Variants in WNK3 observed in about 807,000 individuals in gnomAD.
WNK3 encodes the protein WNK lysine deficient protein kinase 3.
A neutral mutation model predicts 116.7 loss-of-function variants in WNK3; 18 were observed. The observed-to-expected ratio is 0.15, with a 90% CI of 0.11 to 0.23. The LOEUF is 0.23. Ranked by LOEUF, WNK3 falls within the 10% of genes least tolerant of loss-of-function variation. WNK3 has a pLI of 1.00. For missense variants in WNK3, 993 were observed against 1,323.8 expected (o/e 0.75, Z 3.88); for synonymous variants, 404 against 469.4 (o/e 0.86, Z 1.80).
At chrX:54,356,544 AT>A (rs782216410) in intron 1 of WNK3, among the ~76,000 whole-genome samples, 16 of 111,387 alleles carry the variant, frequency 1.4e-4, no homozygotes, top group Non-Finnish European at 2.6e-4. Context: ...AGTTTAAACA[AT>A]TTTTAAACTC....
intron 13 of WNK3, among the ~76,000 whole-genome samples, chrX:54,251,909 T>G (rs1319831636): frequency 1.8e-5 from 2 of 108,117 alleles, no homozygotes; most frequent in Non-Finnish European, 3.8e-5. Context: ...CTACTAAAAA[T>G]ACAAAATTAA....
chrX:54,244,618 A>G (rs1356194760), intron 17 of WNK3, among the ~76,000 whole-genome samples: 1 of 112,473 alleles, frequency 8.9e-6, no homozygotes, highest in Non-Finnish European at 1.9e-5. Context: ...AAGAAACTGC[A>G]TTTCATTTTG....
intron 5 of WNK3, among the ~76,000 whole-genome samples, chrX:54,307,278 T>C (rs1275678354): frequency 9.1e-6 from 1 of 110,413 alleles, no homozygotes; most frequent in African/African-American, 3.3e-5. Flanking sequence ...TACCTACTAA[T>C]GTTAAGCTAC....
intron 2 of WNK3, among the ~76,000 whole-genome samples, chrX:54,328,632 C>A (rs1475487143): frequency 9.0e-6 from 1 of 111,147 alleles, no homozygotes; most frequent in Admixed American, 9.7e-5. Context: ...GAAGACGAAG[C>A]AATATCCAAA....
chrX:54,320,624 A>G (rs1359692835), intron 2 of WNK3, among the ~76,000 whole-genome samples: 1 of 109,581 alleles, frequency 9.1e-6, no homozygotes, highest in Admixed American at 9.8e-5. Context: ...CTGGGCTCAC[A>G]TGATCCTCTT....
chrX:54,260,275 T>A (rs1340926081), intron 10 of WNK3, among the ~76,000 whole-genome samples: 6 of 112,304 alleles, frequency 5.3e-5, no homozygotes, highest in Non-Finnish European at 9.4e-5. Flanking sequence ...GTTAATTAGC[T>A]CTTTAACATA....
chrX:54,199,465 T>G (rs1557141144), intron 23 of WNK3, among the ~76,000 whole-genome samples: 3 of 111,748 alleles, frequency 2.7e-5, no homozygotes, highest in African/African-American at 9.8e-5. Context: ...TTCTCTTGCT[T>G]GAGTCAGAGT....
chrX:54,351,860 C>T (rs2069520620), intron 1 of WNK3, among the ~76,000 whole-genome samples: 1 of 109,887 alleles, frequency 9.1e-6, no homozygotes, highest in Admixed American at 9.8e-5. Context: ...TGCAGTGAGC[C>T]GAGATCTCAC....
chrX:54,349,452 A>T (rs924263318), intron 1 of WNK3, among the ~76,000 whole-genome samples: 6 of 112,226 alleles, frequency 5.3e-5, no homozygotes, highest in Non-Finnish European at 1.1e-4. Flanking sequence ...ACACCTACAT[A>T]AAGAAAACCA....
chrX:54,201,778 T>G (rs2067502982), intron 23 of WNK3, among the ~76,000 whole-genome samples: 1 of 111,797 alleles, frequency 8.9e-6, no homozygotes, highest in Non-Finnish European at 1.9e-5. Context: ...GCCTAAAATA[T>G]TAACTAACTG....
chrX:54,290,784 A>G (rs1288713204), intron 10 of WNK3, among the ~76,000 whole-genome samples: 1 of 111,304 alleles, frequency 9.0e-6, no homozygotes, highest in African/African-American at 3.3e-5. Context: ...AAGAGAGGAG[A>G]GAGTTGGCAG....
At chrX:54,224,270 T>G (rs1185211767) in intron 22 of WNK3, among the ~76,000 whole-genome samples, 1 of 108,300 alleles carries the variant, frequency 9.2e-6, no homozygotes, top group Non-Finnish European at 1.9e-5. Flanking sequence ...GAGAATCGCT[T>G]GAACCTGGGA....
intron 22 of WNK3, among the ~76,000 whole-genome samples, chrX:54,207,355 T>C (rs1038203351): frequency 1.8e-5 from 2 of 111,413 alleles, no homozygotes; most frequent in Non-Finnish European, 3.8e-5. Context: ...GAAAACTTTC[T>C]ACTGTAAATC....
chrX:54,200,064 C>T (rs1312463123), intron 23 of WNK3, among the ~76,000 whole-genome samples: 3 of 112,204 alleles, frequency 2.7e-5, no homozygotes, highest in Non-Finnish European at 5.6e-5. Context: ...ACCTAGTTAA[C>T]ACCTACTCAT....
At chrX:54,243,420 CAAAAAAAAAAAAA>C (rs782696727) in intron 17 of WNK3, among the ~76,000 whole-genome samples, 1 of 16,840 alleles carries the variant, frequency 5.9e-5, no homozygotes, top group African/African-American at 1.8e-4. Flanking sequence ...GACTCCGTCT[CAAAAAAAAAAAAA>C]AAAAAAAAAA....
At chrX:54,198,165 G>C (rs2067463611) in exon 24 of WNK3, 2 of 416,238 alleles carry the variant, frequency 4.8e-6, no homozygotes, top group East Asian at 4.0e-5. Context: ...AGAATGATGA[G>C]CTGTATCAAA....
At chrX:54,342,016 C>T (rs1489332782) in intron 1 of WNK3, among the ~76,000 whole-genome samples, 2 of 111,765 alleles carry the variant, frequency 1.8e-5, no homozygotes, top group African/African-American at 6.5e-5. Flanking sequence ...GTATTTGGGG[C>T]GGGAGTTGCT....
At chrX:54,276,610 C>T (rs2068451100) in intron 10 of WNK3, among the ~76,000 whole-genome samples, 1 of 110,019 alleles carries the variant, frequency 9.1e-6, no homozygotes, top group African/African-American at 3.3e-5. Flanking sequence ...AAGGCTGTTT[C>T]GATATTTGAA....
chrX:54,225,162 A>C (rs907446569), intron 22 of WNK3, among the ~76,000 whole-genome samples: 1 of 108,611 alleles, frequency 9.2e-6, no homozygotes, highest in African/African-American at 3.3e-5. Context: ...CAGAAAGATC[A>C]CTTGAGTGAG....
Sources: gnomAD v4.1 joint callset for allele counts (sites outside exome capture counted in the v4.1 genomes callset) on GRCh38, gnomAD v4.1.1 for gene constraint, MANE v1.5 for transcripts, NCBI Gene and HGNC (gene_info 2026-07-23, HGNC 2026-07-21) for gene names.